The following OR4F5 variants were observed in gnomAD, a reference collection of about 807,000 sequenced individuals.
OR4F5 encodes the protein olfactory receptor 4F5.
Under a neutral mutation model 5.8 loss-of-function variants are expected in OR4F5, and 1 was observed. The observed-to-expected ratio is 0.17, with a 90% CI of 0.06 to 0.82. The LOEUF is 0.82. Ranked by LOEUF, OR4F5 falls within the 40% of genes least tolerant of loss-of-function variation. OR4F5 has a pLI of 0.72. For missense variants in OR4F5, 47 were observed against 175.5 expected, an observed-to-expected ratio of 0.27 and a Z score of 4.14; for synonymous variants, 18 against 63.7, an observed-to-expected ratio of 0.28 and a Z score of 3.42.
chr1:69,555 T>A lies in OR4F5; in HGVS notation c.528T>A (p.Phe176Leu), dbSNP rs556374459. 2.9e-6 allele frequency: 3 copies of A among 1,020,796 alleles called. 1 individual carries two copies. In the African/African-American group the frequency reaches 5.5e-5, roughly 19 times the overall value. The allele number at this position is 1,020,796 out of a possible 1,614,324, so 63.2% of individuals were successfully genotyped here. The change falls in exon 3 of 3, where the codon TTT becomes TTA. Residue 176 changes from phenylalanine (F) to leucine (L), a missense_variant. Phe to Leu is a conservative substitution (Grantham distance 22, BLOSUM62 0). This residue lies in a region of OR4F5 where 40 missense variants were observed against 68.3 expected (regional missense o/e 0.59). Transcript: ENST00000641515. ...GFLHSVSQLAFAVHLLFCGPN... is the reference protein window; with the variant it reads ...GFLHSVSQLALAVHLLFCGPN... ...TCCATTCGGTGAGCCAGTTGGCGTT[T>A]GCCGTGCACTTACTCTTCTGTGGTC...
chr1:71,326 CA>C lies in OR4F5; in HGVS notation c.*1319del, dbSNP rs1639995751. The C allele has an allele frequency of 3.3e-4, 1 of 2,986 alleles. No individual in the cohort carries two copies. Among genetic ancestry groups the C allele is most frequent in the African/African-American group, 7.8e-4 (1 of 1,280 alleles). 0.2% of individuals were successfully genotyped at this position (2,986 alleles called of 1,614,324 possible). On this transcript the variant is annotated 3_prime_UTR_variant, in exon 3 of 3. Coordinates refer to ENST00000641515, the MANE Select transcript of OR4F5 (RefSeq NM_001005484.2). ...ACTTGAATTAATAGATAAGGAGAGT[CA>C]GATGATAAGAGGGTCAAAATTATGT...
Position 70,418 on chromosome 1 carries a change from A to AAAAT in OR4F5, c.*412_*415dup. 1 of 101,572 alleles carries AAAAT rather than the reference A, an allele frequency of 9.8e-6. No individual in the cohort carries two copies. Among genetic ancestry groups the AAAAT allele is most frequent in the Middle Eastern group, 5.5e-3 (1 of 182 alleles). The allele number at this position is 101,572 out of a possible 1,614,324, so 6.3% of individuals were successfully genotyped here. A position where few individuals can be genotyped will look rare whatever the true frequency, so the allele number is the denominator to read the frequency against. On this transcript the variant is annotated 3_prime_UTR_variant, in exon 3 of 3. Coordinates refer to ENST00000641515, the MANE Select transcript of OR4F5 (RefSeq NM_001005484.2). ...AAAGAACTGTCACATCTTAATTTAA[A>AAAAT]AAATATATGCTTAGTGGTAAGGAGA...
chr1:66,742 C>A, intron 2 of OR4F5, among the ~76,000 whole-genome samples: 1 of 117,634 alleles, frequency 8.5e-6, no homozygotes, highest in African/African-American at 2.7e-5. Context: ...TGAAGGACTC[C>A]TTTAATAAGC....
At chr1:66,211 T>C (rs1639934129) in intron 2 of OR4F5, among the ~76,000 whole-genome samples, 2 of 74,304 alleles carry the variant, frequency 2.7e-5, no homozygotes, top group South Asian at 6.4e-4. Flanking sequence ...TTACATATTA[T>C]ATATATAATA....
rs1557435708 is a variant in OR4F5 at position 66,405 on chromosome 1, A to AATATAATATAATATATATT, written c.9+842_9+843insATATATATTATATAATATA. ...TTATATAATATAATATATATTATAT[A>AATATAATATAATATATATT]ATATAATATATTTTATTATATAAAT... On this transcript the variant is annotated intron_variant, in intron 2 of 2. Coordinates refer to ENST00000641515, the MANE Select transcript of OR4F5 (RefSeq NM_001005484.2). Among the ~76,000 whole-genome samples the AATATAATATAATATATATT allele has an allele frequency of 3.4e-4, 12 of 35,142 alleles. No homozygotes were observed. In the East Asian group the frequency reaches 4.4e-3, roughly 13 times the overall value. The allele number at this position is 35,142 out of a possible 152,430, so 23.1% of individuals were successfully genotyped here.
chr1:66,275 A>ATATATAATATATATTATATAATATAT (rs1639937866), intron 2 of OR4F5, among the ~76,000 whole-genome samples: 4 of 9,926 alleles, frequency 4.0e-4, no homozygotes, highest in African/African-American at 1.2e-3. Flanking sequence ...ATATAATATA[A>ATATATAATATATATTATATAATATAT]ATTATATTAT....
intron 2 of OR4F5, among the ~76,000 whole-genome samples, chr1:66,261 A>G (rs1180399046): frequency 1.0e-4 from 3 of 29,324 alleles, no homozygotes; most frequent in African/African-American, 4.7e-4. Context: ...AATATATAAT[A>G]TAAATATAAT....
At position 66,404 on chromosome 1, in the gene OR4F5, TA is replaced by T. The variant is rs1301982558; in HGVS notation, c.9+833del. Among the ~76,000 whole-genome samples, 215 of 36,934 alleles carry T rather than the reference TA, an allele frequency of 5.8e-3. 9 individuals are homozygous for T. Among genetic ancestry groups the T allele is most frequent in the African/African-American group, 0.015 (210 of 13,714 alleles). 24.2% of individuals were successfully genotyped at this position (36,934 alleles called of 152,430 possible). A position where few individuals can be genotyped will look rare whatever the true frequency, so the allele number is the denominator to read the frequency against. ...ATTATATAATATAATATATATTATA[TA>T]ATATAATATATTTTATTATATAAAT... On this transcript the variant is annotated intron_variant, in intron 2 of 2. Transcript: ENST00000641515.
intron 2 of OR4F5, among the ~76,000 whole-genome samples, chr1:66,176 T>TATATATACTATATATTTATATATATATA (rs1639933522): frequency 1.1e-5 from 1 of 92,494 alleles, no homozygotes; most frequent in African/African-American, 3.4e-5. Flanking sequence ...ATATATATAT[T>TATATATACTATATATTTATATATATATA]ATATATACTA....
rs1269896974 is a variant in OR4F5, at chr1:68,240, G to A, written c.10-797G>A. ...GCTCATATCTTAACTACTTTAATAC[G>A]TTGCTCGATGGGATCTTACAGGTCT... On this transcript the variant is annotated intron_variant, in intron 2 of 2. Coordinates refer to ENST00000641515, the MANE Select transcript of OR4F5 (RefSeq NM_001005484.2). Among the ~76,000 whole-genome samples, 13 of 100,686 alleles carry A rather than the reference G, an allele frequency of 1.3e-4. 3 individuals carry two copies. The highest frequency in any genetic ancestry group is 9.5e-4 in the South Asian group (3 of 3,144). The allele number at this position is 100,686 out of a possible 152,430, so 66.1% of individuals were successfully genotyped here.
chr1:66,264 A>ATT (rs1290164146), intron 2 of OR4F5, among the ~76,000 whole-genome samples: 17 of 11,054 alleles, frequency 1.5e-3, no homozygotes, highest in African/African-American at 4.6e-3. Context: ...ATATAATATA[A>ATT]ATATAATATA....
Position 70,645 on chromosome 1 carries a change from A to G in OR4F5, c.*637A>G, listed in dbSNP as rs1639990352. ...CTCATAAGCAGTAGAAAGAATTTAG[A>G]GGGATCCAGGCTCTCATCACGTTGG... On this transcript the variant is annotated 3_prime_UTR_variant, in exon 3 of 3. Transcript: ENST00000641515. 2 of 114,470 alleles carry G rather than the reference A, an allele frequency of 1.7e-5. 1 individual carries two copies. The highest frequency in any genetic ancestry group is 1.8e-4 in the Admixed American group (2 of 11,090). The allele number at this position is 114,470 out of a possible 1,614,324, so 7.1% of individuals were successfully genotyped here. A position where few individuals can be genotyped will look rare whatever the true frequency, so the allele number is the denominator to read the frequency against.
At chr1:66,479 TATTTATAGAATATAATATATATTTTATTA>T (rs1639946714) in intron 2 of OR4F5, among the ~76,000 whole-genome samples, 1 of 55,570 alleles carries the variant, frequency 1.8e-5, no homozygotes, top group South Asian at 4.2e-4. Flanking sequence ...ATATATTATA[TATTTATAGAATATAATATATATTTTATTA>T]TATAATATAT....
rs568226429 is a variant in OR4F5 at position 69,487 on chromosome 1, G to A, written c.460G>A (p.Ala154Thr). Residue 154 changes from alanine to threonine, a missense_variant, in exon 3 of 3, where the codon GCA becomes ACA. Ala to Thr is a moderately conservative substitution (Grantham distance 58). Around this residue, in one of 3 missense-constraint regions of OR4F5, gnomAD observed 40 missense variants for 68.3 expected, o/e 0.59. Coordinates refer to ENST00000641515, the MANE Select transcript of OR4F5 (RefSeq NM_001005484.2). ...CTACACTACAATTATGTGTGGCAACGCATGTGTCGGCATTATGGCTGTCAC... is the reference window on the plus strand; with the variant it reads ...CTACACTACAATTATGTGTGGCAACACATGTGTCGGCATTATGGCTGTCAC... The part of the protein sequence containing the change: ...LHYTTIMCGN[A>T]CVGIMAVTWG... The A allele has an allele frequency of 7.0e-6, 7 of 996,724 alleles. 1 individual carries two copies. Among genetic ancestry groups the A allele is most frequent in the African/African-American group, 5.7e-5 (3 of 52,740 alleles). The allele number at this position is 996,724 out of a possible 1,614,324, so 61.7% of individuals were successfully genotyped here.
intron 2 of OR4F5, among the ~76,000 whole-genome samples, chr1:66,553 ATAT>A (rs1480342051): frequency 2.1e-4 from 16 of 76,364 alleles, no homozygotes; most frequent in South Asian, 6.6e-4. Flanking sequence ...TATATAACAT[ATAT>A]TATTATATAA....
Position 70,360 on chromosome 1 carries a change from A to AT in OR4F5, c.*355dup, listed in dbSNP as rs1295245488. 9.8e-4 allele frequency: 116 copies of AT among 118,674 alleles called. 4 individuals carry two copies. The East Asian group carries it at 0.014, about 14-fold the overall frequency. 7.4% of individuals were successfully genotyped at this position (118,674 alleles called of 1,614,324 possible). On this transcript the variant is annotated 3_prime_UTR_variant, in exon 3 of 3. Transcript: ENST00000641515. ...GCCTAGCTTATAAATTTAAAAAAAA[A>AT]TTTATTTGGTCCATTTTGTGAAAAA...
chr1:66,383 TA>T, intron 2 of OR4F5, among the ~76,000 whole-genome samples: 1 of 72,320 alleles, frequency 1.4e-5, no homozygotes, highest in Non-Finnish European at 2.7e-5. Context: ...ATATAAATTA[TA>T]TAATATAATA....
intron 2 of OR4F5, among the ~76,000 whole-genome samples, chr1:66,378 AATTAT>A (rs1639942620): frequency 1.6e-4 from 1 of 6,372 alleles, no homozygotes; most frequent in African/African-American, 4.2e-4. Flanking sequence ...ATAATATATA[AATTAT>A]ATAATATAAT....
At position 69,591 on chromosome 1, in the gene OR4F5, C is replaced by T. The variant is rs1469483490; in HGVS notation, c.564C>T (p.Val188=). 9 of 1,044,338 alleles carry T rather than the reference C, an allele frequency of 8.6e-6. 4 individuals are homozygous for T. In the Admixed American group the frequency reaches 9.8e-5, roughly 11 times the overall value. 64.7% of individuals were successfully genotyped at this position (1,044,338 alleles called of 1,614,324 possible). Residue 188 remains valine, a synonymous_variant, in exon 3 of 3, where the codon GTC becomes GTT. Coordinates refer to ENST00000641515, the MANE Select transcript of OR4F5 (RefSeq NM_001005484.2). ...TACTCTTCTGTGGTCCCAATGAGGT[C>T]GATAGTTTTTATTGTGACCTTCCTA... The part of the protein sequence containing the change: ...VHLLFCGPNE[V]DSFYCDLPRV...
Sources: gnomAD v4.1 joint callset for allele counts (sites outside exome capture counted in the v4.1 genomes callset) on GRCh38, gnomAD v4.1.1 for gene constraint, gnomAD v4.1.1 regional missense constraint, MANE v1.5 for transcripts, NCBI Gene and HGNC (gene_info 2026-07-23, HGNC 2026-07-21) for gene names.